ATP10B: variants seen among roughly 807,000 people sequenced by gnomAD.
ATP10B encodes ATPase phospholipid transporting 10B (putative).
A neutral mutation model predicts 141.2 loss-of-function variants in ATP10B; 122 were observed. That is an observed-to-expected ratio of 0.86 (90% confidence interval 0.75 to 1.00). ATP10B has a LOEUF of 1.00. Among genes scored for constraint, ATP10B ranks in the 50% least tolerant of loss-of-function variants. The pLI, the probability that ATP10B is intolerant of heterozygous loss-of-function variation, is 0.00. For missense variants in ATP10B, 1,876 were observed against 1,825.3 expected, an observed-to-expected ratio of 1.03 and a Z score of -0.51; for synonymous variants, 685 against 692.0, an observed-to-expected ratio of 0.99 and a Z score of 0.16.
intron 1 of ATP10B, among the ~76,000 whole-genome samples, chr5:160,839,015 C>G (rs1775649213): frequency 6.6e-6 from 1 of 152,172 alleles, no homozygotes; most frequent in South Asian, 2.1e-4. Flanking sequence ...CTTTGCCTTC[C>G]ACCATAACTG....
intron 1 of ATP10B, among the ~76,000 whole-genome samples, chr5:160,843,721 T>C (rs1775944246): frequency 1.3e-5 from 2 of 152,042 alleles, no homozygotes. Flanking sequence ...TATCTCTCCA[T>C]AAAAAATGAG....
At chr5:160,570,835 T>C (rs1754833715) in intron 24 of ATP10B, among the ~76,000 whole-genome samples, 1 of 152,228 alleles carries the variant, frequency 6.6e-6, no homozygotes, top group Non-Finnish European at 1.5e-5. Flanking sequence ...TCTTGAAATT[T>C]GTCTTTTGAT....
At chr5:160,907,884 C>T in the ATP10B span, among the ~76,000 whole-genome samples, 2 of 152,080 alleles carry the variant, frequency 1.3e-5, no homozygotes, top group African/African-American at 2.4e-5. Context: ...GTGACATGTC[C>T]CACTCCCAGG....
chr5:160,639,395 G>A (rs1413669619), intron 10 of ATP10B, among the ~76,000 whole-genome samples: 1 of 152,184 alleles, frequency 6.6e-6, no homozygotes, highest in Non-Finnish European at 1.5e-5. Context: ...ATCTTGAGAT[G>A]GGAAGAGTAT....
At chr5:160,778,131 C>T (rs1007386258) in intron 2 of ATP10B, among the ~76,000 whole-genome samples, 1 of 152,160 alleles carries the variant, frequency 6.6e-6, no homozygotes, top group Non-Finnish European at 1.5e-5. Context: ...ATTCATAATG[C>T]ATTAAACATG....
intron 1 of ATP10B, among the ~76,000 whole-genome samples, chr5:160,820,547 C>T (rs1203252215): frequency 6.6e-6 from 1 of 151,984 alleles, no homozygotes; most frequent in Non-Finnish European, 1.5e-5. Context: ...TCTGTGAAGC[C>T]AGTATTACTC....
rs141479170 is a variant in ATP10B at position 160,774,535 on chromosome 5, C to T, written c.-331+11024G>A. On this transcript the variant is annotated intron_variant, in intron 2 of 25. Transcript: ENST00000327245. ...CAAGCTGTTGGCAAAGAATTATGTG[C>T]TTTGCCAGATTTGGCTCTATTAACT... Among the ~76,000 whole-genome samples the T allele has an allele frequency of 2.2e-3, 329 of 152,282 alleles. 1 individual carries two copies. Among genetic ancestry groups the T allele is most frequent in the African/African-American group, 6.7e-3 (280 of 41,566 alleles).
intron 1 of ATP10B, among the ~76,000 whole-genome samples, chr5:160,841,294 GA>G (rs961432847): frequency 2.0e-5 from 3 of 149,934 alleles, no homozygotes; most frequent in East Asian, 1.9e-4. Flanking sequence ...ATTGTTAGGT[GA>G]AAAAAAAAGC....
intron 3 of ATP10B, chr5:160,691,879 T>A (rs1039017385): frequency 6.6e-6 from 1 of 152,216 alleles, no homozygotes; most frequent in African/African-American, 2.4e-5. Context: ...AGCAACCTTA[T>A]AACATTTAGC....
chr5:160,605,823 G>C (rs1757354633), intron 19 of ATP10B, among the ~76,000 whole-genome samples: 2 of 152,194 alleles, frequency 1.3e-5, no homozygotes, highest in South Asian at 2.1e-4. Flanking sequence ...GGATCCAAAA[G>C]TGAATAAGGC....
intron 2 of ATP10B, among the ~76,000 whole-genome samples, chr5:160,753,361 G>A (rs371531329): frequency 3.9e-5 from 6 of 152,242 alleles, no homozygotes; most frequent in Middle Eastern, 3.4e-3. Context: ...TGCTGTTTAC[G>A]TGGAAAATTG....
At chr5:160,720,531 C>A (rs1055013372) in intron 2 of ATP10B, among the ~76,000 whole-genome samples, 1 of 152,178 alleles carries the variant, frequency 6.6e-6, no homozygotes, top group Non-Finnish European at 1.5e-5. Flanking sequence ...AGTCAGTATG[C>A]CTGAAAGCTT....
At chr5:160,900,884 T>C in the ATP10B span, among the ~76,000 whole-genome samples, 536 of 148,082 alleles carry the variant, frequency 3.6e-3, 6 homozygotes, top group Non-Finnish European at 3.5e-3. Flanking sequence ...CTGAAAAGTA[T>C]AAATCCTTTT....
At chr5:160,684,623 G>A (rs113781526) in intron 6 of ATP10B, among the ~76,000 whole-genome samples, 2,682 of 152,284 alleles carry the variant, frequency 0.018, 87 homozygotes, top group African/African-American at 0.062. Flanking sequence ...AATGCTACAT[G>A]ATAAAGACCT....
intron 25 of ATP10B, 43 bp from the exon 26 acceptor site, chr5:160,565,943 G>C: frequency 6.5e-7 from 1 of 1,527,336 alleles, no homozygotes; most frequent in Non-Finnish European, 8.8e-7. Flanking sequence ...GATTTCCACT[G>C]ACTTCATAAA....
chr5:160,624,437 G>A (rs1259547117), intron 13 of ATP10B, among the ~76,000 whole-genome samples: 4 of 152,176 alleles, frequency 2.6e-5, no homozygotes, highest in African/African-American at 7.2e-5. Flanking sequence ...TCATACCATT[G>A]TAAGAAGACA....
At chr5:160,715,313 C>G (rs575437899) in intron 3 of ATP10B, among the ~76,000 whole-genome samples, 1 of 130,884 alleles carries the variant, frequency 7.6e-6, no homozygotes, top group Admixed American at 7.6e-5. Context: ...GATATAGTCT[C>G]GTGGTGCGCC....
intron 6 of ATP10B, chr5:160,684,729 AATG>A (rs1453074228): frequency 1.2e-5 from 7 of 589,784 alleles, no homozygotes; most frequent in Non-Finnish European, 2.1e-5. Context: ...GAAATAAAAT[AATG>A]ATATCTCCCT....
chr5:160,865,063 GAA>G, the ATP10B span, among the ~76,000 whole-genome samples: 2 of 151,936 alleles, frequency 1.3e-5, no homozygotes, highest in African/African-American at 4.8e-5. Context: ...CACAGAACTA[GAA>G]AAGACAATCC....
Sources: gnomAD v4.1 joint callset for allele counts (sites outside exome capture counted in the v4.1 genomes callset) on GRCh38, gnomAD v4.1.1 for gene constraint, MANE v1.5 for transcripts, NCBI Gene and HGNC (gene_info 2026-07-23, HGNC 2026-07-21) for gene names.